PRKN: variants seen among roughly 807,000 people sequenced by gnomAD.
PRKN encodes parkin RBR E3 ubiquitin protein ligase.
Under a neutral mutation model 59.5 loss-of-function variants are expected in PRKN, and 56 were observed. The ratio of observed to expected loss-of-function variants is 0.94; its 90% CI spans 0.76 to 1.18. The LOEUF (loss-of-function observed/expected upper bound fraction) is 1.18. Among genes scored for constraint, PRKN ranks in the 50% most tolerant of loss-of-function variants. The pLI is 0.00. For synonymous variants in PRKN, 250 were observed against 222.1 expected (o/e 1.13, Z -1.12); for missense variants, 657 against 596.4 (o/e 1.10, Z -1.06).
intron 5 of PRKN, among the ~76,000 whole-genome samples, chr6:162,027,502 G>A (rs1783480459): frequency 6.6e-6 from 1 of 152,108 alleles, no homozygotes; most frequent in South Asian, 2.1e-4. Flanking sequence ...TCAGGCAAAA[G>A]TAGAATAAGT....
chr6:162,444,383 C>T (rs777032655), intron 1 of PRKN, among the ~76,000 whole-genome samples: 27 of 152,066 alleles, frequency 1.8e-4, no homozygotes, highest in Admixed American at 8.5e-4. Flanking sequence ...CTCACACTGT[C>T]GGCTGGTGAG....
At chr6:161,490,130 C>T (rs9365293) in intron 9 of PRKN, among the ~76,000 whole-genome samples, 13 of 151,912 alleles carry the variant, frequency 8.6e-5, no homozygotes, top group Non-Finnish European at 1.5e-4. Context: ...CTCCTCTAGT[C>T]AAGTTGAAGA....
At chr6:161,384,921 ACTTTT>A (rs1318647849) in intron 10 of PRKN, among the ~76,000 whole-genome samples, 2 of 152,048 alleles carry the variant, frequency 1.3e-5, no homozygotes, top group African/African-American at 4.8e-5. Flanking sequence ...AGGGAAATAC[ACTTTT>A]CTTTTCTTTT....
chr6:161,801,608 A>G (rs979556127), intron 6 of PRKN, among the ~76,000 whole-genome samples: 1 of 152,194 alleles, frequency 6.6e-6, no homozygotes, highest in African/African-American at 2.4e-5. Flanking sequence ...AGAGTCCACG[A>G]CTTTCAGCCA....
intron 1 of PRKN, among the ~76,000 whole-genome samples, chr6:162,530,783 G>A (rs966907406): frequency 2.0e-5 from 3 of 152,180 alleles, no homozygotes; most frequent in Admixed American, 6.5e-5. Flanking sequence ...TAAGCCTGGC[G>A]CAGTGGCTCA....
intron 6 of PRKN, among the ~76,000 whole-genome samples, chr6:161,891,127 T>C (rs1795327080): frequency 6.6e-6 from 1 of 152,180 alleles, no homozygotes; most frequent in South Asian, 2.1e-4. Context: ...CAGGAGAGTT[T>C]TATGGCTGCT....
intron 7 of PRKN, among the ~76,000 whole-genome samples, chr6:161,680,760 TATATATATATATA>T (rs1439831858): frequency 0.01 from 181 of 17,946 alleles, 9 homozygotes; most frequent in African/African-American, 0.021. Context: ...TATATATATA[TATATATATATATA>T]TATTTTTTTT....
In PRKN at chr6:161,373,546, C is replaced by T. The variant is rs895593836; in HGVS notation, c.1167+13248G>A. 3.3e-5 allele frequency among the ~76,000 whole-genome samples: 5 copies of T among 151,798 alleles called. No homozygotes were observed. The highest frequency in any genetic ancestry group is 1.2e-4 in the African/African-American group (5 of 41,298). On this transcript the variant is annotated intron_variant, in intron 10 of 11. Coordinates refer to ENST00000366898, the MANE Select transcript of PRKN (RefSeq NM_004562.3). The surrounding 1 kb of genome is among the most constrained non-coding windows in gnomAD (Gnocchi z 4.8). ...TGCTGAGTTTAAACGAGCTATGCCT[C>T]TGTGTTTGCAGGGGTGCTGAGTTTA...
intron 1 of PRKN, among the ~76,000 whole-genome samples, chr6:162,657,166 G>GA (rs1382414134): frequency 2.0e-5 from 3 of 152,018 alleles, no homozygotes; most frequent in African/African-American, 4.8e-5. Context: ...ATGAATGAAT[G>GA]AAAAAATGAA....
chr6:162,701,423 G>A (rs1205207480), intron 1 of PRKN, among the ~76,000 whole-genome samples: 1 of 151,748 alleles, frequency 6.6e-6, no homozygotes, highest in Non-Finnish European at 1.5e-5. Flanking sequence ...AGAATCACAA[G>A]TAAGATGTTT....
intron 4 of PRKN, among the ~76,000 whole-genome samples, chr6:162,074,536 G>A (rs1422134956): frequency 6.6e-6 from 1 of 151,732 alleles, no homozygotes; most frequent in African/African-American, 2.4e-5. Context: ...GCTAGATGAC[G>A]AGTTAGTGGG....
intron 1 of PRKN, among the ~76,000 whole-genome samples, chr6:162,510,045 A>C (rs1777526050): frequency 6.6e-6 from 1 of 152,240 alleles, no homozygotes. Flanking sequence ...ACAGTGATTT[A>C]GGTCAGCCCA....
chr6:162,455,091 G>A (rs2128172300), intron 1 of PRKN, among the ~76,000 whole-genome samples: 1 of 152,248 alleles, frequency 6.6e-6, no homozygotes, highest in South Asian at 2.1e-4. Context: ...CCTTGGTATT[G>A]CCAAAGAAGT....
intron 5 of PRKN, among the ~76,000 whole-genome samples, chr6:162,042,977 G>C (rs1437637469): frequency 6.6e-6 from 1 of 152,104 alleles, no homozygotes; most frequent in African/African-American, 2.4e-5. Flanking sequence ...CCAAAAACAG[G>C]AAGAAAAAGA....
chr6:161,859,610 C>CA (rs57747027), intron 6 of PRKN, among the ~76,000 whole-genome samples: 1,653 of 90,284 alleles, frequency 0.018, 42 homozygotes, highest in Middle Eastern at 0.089. Context: ...GACTCTCTCT[C>CA]AAAAAAAAAA....
At chr6:162,527,357 G>A (rs1377706118) in intron 1 of PRKN, among the ~76,000 whole-genome samples, 4 of 152,052 alleles carry the variant, frequency 2.6e-5, no homozygotes, top group African/African-American at 4.8e-5. Context: ...TGCAAAAACC[G>A]TTTTCACCAA....
rs144522715 is a variant in PRKN at position 161,798,967 on chromosome 6, C to G, written c.735-13059G>C. Among the ~76,000 whole-genome samples, 1,030 of 152,306 alleles carry G rather than the reference C, an allele frequency of 6.8e-3. 14 individuals carry two copies. Among genetic ancestry groups the G allele is most frequent in the African/African-American group, 0.024 (985 of 41,578 alleles). On this transcript the variant is annotated intron_variant, in intron 6 of 11. Coordinates refer to ENST00000366898, the MANE Select transcript of PRKN (RefSeq NM_004562.3). ...CACAGGTCCCCGGGGTACTCACCCACTGGCTTCAATGTCTATGTTCTCGCC... is the reference window on the plus strand; with the variant it reads ...CACAGGTCCCCGGGGTACTCACCCAGTGGCTTCAATGTCTATGTTCTCGCC...
chr6:161,655,246 G>T (rs1784298881), intron 7 of PRKN, among the ~76,000 whole-genome samples: 1 of 144,616 alleles, frequency 6.9e-6, no homozygotes, highest in Non-Finnish European at 1.5e-5. Context: ...GCATTCCTGG[G>T]CCCACCCATG....
At chr6:161,914,294 A>C (rs1778472584) in intron 6 of PRKN, among the ~76,000 whole-genome samples, 1 of 152,198 alleles carries the variant, frequency 6.6e-6, no homozygotes, top group Admixed American at 6.5e-5. Context: ...ATAAGCTGTA[A>C]AGTAGAATTT....
Sources: allele counts gnomAD v4.1 joint callset (sites outside exome capture counted in the v4.1 genomes callset), GRCh38; gene constraint gnomAD v4.1.1; non-coding constraint Gnocchi (gnomAD v3.1); transcripts MANE v1.5; gene names NCBI Gene and HGNC (gene_info 2026-07-23, HGNC 2026-07-21).